The following COL15A1 variants were observed in gnomAD, a reference collection of about 807,000 sequenced individuals.
COL15A1 encodes collagen alpha-1(XV) chain.
A neutral mutation model predicts 165.9 loss-of-function variants in COL15A1; 111 were observed. The ratio of observed to expected loss-of-function variants is 0.67; its 90% CI spans 0.57 to 0.78. COL15A1 has a LOEUF of 0.78. Among genes scored for constraint, COL15A1 ranks in the 30% least tolerant of loss-of-function variants. The probability of loss-of-function intolerance (pLI) is 0.00; values close to 1 mark genes in which losing one functional copy is unlikely to be tolerated. For missense variants in COL15A1, 1,745 were observed against 1,789.7 expected (o/e 0.98, Z 0.45); for synonymous variants, 659 against 674.8 (o/e 0.98, Z 0.36).
intron 16 of COL15A1, among the ~76,000 whole-genome samples, chr9:99,027,174 G>A (rs1210768327): frequency 6.6e-6 from 1 of 152,194 alleles, no homozygotes; most frequent in Non-Finnish European, 1.5e-5. Context: ...ATAAAGACAA[G>A]GTGAGCCCTG....
intron 22 of COL15A1, among the ~76,000 whole-genome samples, chr9:99,040,292 C>T (rs1041901754): frequency 2.0e-5 from 3 of 152,194 alleles, no homozygotes; most frequent in Non-Finnish European, 2.9e-5. Flanking sequence ...GCCTGCATTA[C>T]CATGCCTCCA....
intron 23 of COL15A1, 56 bp from the exon 24 acceptor site, chr9:99,041,989 G>A: frequency 8.8e-7 from 1 of 1,138,104 alleles, no homozygotes; most frequent in Non-Finnish European, 1.3e-6. Flanking sequence ...TTTCTGATTG[G>A]TTTATGCATT....
Position 98,978,839 on chromosome 9 carries a change from C to A in COL15A1, c.101-6726C>A, listed in dbSNP as rs915447883. On this transcript the variant is annotated intron_variant, in intron 2 of 41. Transcript: ENST00000375001. The stretch of plus-strand genomic sequence containing the variant: ...CCAGTGAAAAGCAAGTCTCCCAGCC[C>A]CCAGCCACCAGCTTCCTTCCCTGGA... Among the ~76,000 whole-genome samples, 3 of 152,022 alleles carry A rather than the reference C, an allele frequency of 2.0e-5. No individual in the cohort carries two copies. In the East Asian group the frequency reaches 5.8e-4, roughly 29 times the overall value.
In COL15A1 at chr9:99,015,979, C is replaced by G; in HGVS notation, c.1507C>G (p.Pro503Ala). 6.2e-7 allele frequency: 1 copy of G among 1,613,386 alleles called. No homozygotes were observed. Among genetic ancestry groups the G allele is most frequent in the Non-Finnish European group, 8.5e-7 (1 of 1,179,718 alleles). Residue 503 changes from proline to alanine, a missense_variant, in exon 11 of 42, where the codon CCT (proline) becomes GCT (alanine). Pro to Ala is a conservative substitution (Grantham distance 27). Coordinates refer to ENST00000375001, the MANE Select transcript of COL15A1 (RefSeq NM_001855.5). ...MAPERAVTSG[P>A]GDEEDLAAAT... is the part of the protein sequence containing the mutation. ...TTAATGCTGGTTTTGTTTTCAGGGT[C>G]CTGGTGATGAAGAAGACTTGGCAGC...
At chr9:99,004,329 T>A (rs1838719260) in intron 8 of COL15A1, among the ~76,000 whole-genome samples, 2 of 152,112 alleles carry the variant, frequency 1.3e-5, no homozygotes, top group South Asian at 4.1e-4. Flanking sequence ...TGCCCTGGGA[T>A]GTGGCCAACA....
At chr9:98,984,664 T>C (rs944572992) in intron 2 of COL15A1, among the ~76,000 whole-genome samples, 73 of 152,224 alleles carry the variant, frequency 4.8e-4, no homozygotes, top group Non-Finnish European at 6.6e-4. Context: ...TCAAAGGCGA[T>C]GACAATGACG....
At chr9:98,946,450 T>C (rs1463935916) in intron 2 of COL15A1, among the ~76,000 whole-genome samples, 1 of 152,174 alleles carries the variant, frequency 6.6e-6, no homozygotes, top group Non-Finnish European at 1.5e-5. Flanking sequence ...CATGAGTCCA[T>C]TGCATGGCAT....
In COL15A1 at chr9:98,997,109, G is replaced by A. The variant is rs764868114; in HGVS notation, c.952+28G>A. ...AAGTCCGGATGCACATGCCTACGTA[G>A]TGGCCTTTTATTGGGTGATTACTAT... On this transcript the variant is annotated intron_variant, in intron 6 of 41. Transcript: ENST00000375001. The A allele has an allele frequency of 3.7e-6, 6 of 1,613,104 alleles. No individual in the cohort carries two copies. In the East Asian group the frequency reaches 6.7e-5, roughly 18 times the overall value.
At position 99,044,036 on chromosome 9, in the gene COL15A1, A is replaced by G. The variant is rs560998403; in HGVS notation, c.2575-532A>G. ...GGAGACATAAGGCCTCCATGTTGAC[A>G]GAGGCCTCTAGTTTTTATACCGTCA... On this transcript the variant is annotated intron_variant, in intron 24 of 41. Transcript: ENST00000375001. Among the ~76,000 whole-genome samples the G allele has an allele frequency of 6.6e-5, 10 of 152,248 alleles. No individual in the cohort carries two copies. In the South Asian group the frequency reaches 1.9e-3, roughly 28 times the overall value.
chr9:99,012,667 T>C (rs1329441767), intron 9 of COL15A1, among the ~76,000 whole-genome samples: 1 of 152,026 alleles, frequency 6.6e-6, no homozygotes, highest in Non-Finnish European at 1.5e-5. Flanking sequence ...TCATTCTCCT[T>C]GTTTTTCCTT....
intron 2 of COL15A1, among the ~76,000 whole-genome samples, chr9:98,962,145 A>G (rs552036493): frequency 2.0e-5 from 3 of 152,294 alleles, no homozygotes; most frequent in East Asian, 3.9e-4. Context: ...TTTATTTTTT[A>G]TCTCTCTCTG....
chr9:99,014,251 C>T (rs956338518), intron 9 of COL15A1, among the ~76,000 whole-genome samples: 3 of 152,202 alleles, frequency 2.0e-5, no homozygotes, highest in African/African-American at 7.2e-5. Flanking sequence ...AGGTCTTAGG[C>T]AGAAGATTGC....
intron 38 of COL15A1, among the ~76,000 whole-genome samples, chr9:99,062,634 G>A (rs945298036): frequency 1.1e-4 from 16 of 152,086 alleles, no homozygotes; most frequent in African/African-American, 3.9e-4. Context: ...TTAATTTTTG[G>A]CACCATCTGC....
At chr9:99,056,136 G>T in intron 34 of COL15A1, 124 bp from the exon 35 acceptor site, 1 of 1,046,260 alleles carries the variant, frequency 9.6e-7, no homozygotes, top group Non-Finnish European at 1.5e-6. Context: ...GCCCAAGATT[G>T]AGGATAGTAA....
chr9:99,060,039 T>G, intron 36 of COL15A1, 86 bp downstream of exon 36: 1 of 1,448,644 alleles, frequency 6.9e-7, no homozygotes, highest in Non-Finnish European at 9.5e-7. Context: ...GTGTCTGACA[T>G]CCCTTGGGGA....
At chr9:98,962,585 A>G (rs1365622288) in intron 2 of COL15A1, among the ~76,000 whole-genome samples, 3 of 152,250 alleles carry the variant, frequency 2.0e-5, no homozygotes, top group Non-Finnish European at 4.4e-5. Flanking sequence ...AGATAAAGCA[A>G]GAGAATTAAA....
chr9:98,962,625 A>G (rs1837882159), intron 2 of COL15A1, among the ~76,000 whole-genome samples: 1 of 152,254 alleles, frequency 6.6e-6, no homozygotes, highest in African/African-American at 2.4e-5. Flanking sequence ...CTCTTTGGCT[A>G]GACTCAGGCC....
chr9:99,022,037 G>A, intron 12 of COL15A1, 54 bp from the exon 13 acceptor site: 2 of 1,605,248 alleles, frequency 1.2e-6, no homozygotes, highest in Non-Finnish European at 8.5e-7. Context: ...AGAAAGGTGG[G>A]GAGATGGTAG....
At position 99,053,821 on chromosome 9, in the gene COL15A1, C is replaced by A. The variant is rs116365511; in HGVS notation, c.2951-755C>A. Reference sequence around the variant, plus strand: ...CGCTAGCCTCATCTACACTTTGTGGCCCCATCTCTAGGCTCAAGACCATTG... The same window carrying A: ...CGCTAGCCTCATCTACACTTTGTGGACCCATCTCTAGGCTCAAGACCATTG... On this transcript the variant is annotated intron_variant, in intron 31 of 41. Transcript: ENST00000375001. Among the ~76,000 whole-genome samples, 462 of 152,314 alleles carry A rather than the reference C, an allele frequency of 3.0e-3. 1 individual carries two copies. Among genetic ancestry groups the A allele is most frequent in the African/African-American group, 0.01 (418 of 41,564 alleles).
Sources: gnomAD v4.1 joint callset for allele counts (sites outside exome capture counted in the v4.1 genomes callset) on GRCh38, gnomAD v4.1.1 for gene constraint, MANE v1.5 for transcripts, NCBI Gene and HGNC (gene_info 2026-07-23, HGNC 2026-07-21) for gene names.